Variants in UTY observed in about 807,000 individuals in gnomAD.
The protein encoded by UTY is histone demethylase UTY.
Under a neutral mutation model 32.5 loss-of-function variants are expected in UTY, and 12 were observed. That is an observed-to-expected ratio of 0.37 (90% CI 0.24 to 0.60). The LOEUF is 0.60. UTY is among the 20% of genes least tolerant of loss of function. The pLI, the probability that UTY is intolerant of heterozygous loss-of-function variation, is 0.69. For synonymous variants in UTY, 131 were observed against 103.4 expected (o/e 1.27, Z -1.62); for missense variants, 303 against 299.2 (o/e 1.01, Z -0.09).
intron 28 of UTY, among the ~76,000 whole-genome samples, chrY:13,259,563 T>C: frequency 2.9e-5 from 1 of 33,938 alleles, no homozygotes; most frequent in South Asian, 6.5e-4. Flanking sequence ...TAATTACCCT[T>C]TACTGAATAC....
chrY:13,405,284 C>T, intron 6 of UTY, among the ~76,000 whole-genome samples: 1 of 32,687 alleles, frequency 3.1e-5, no homozygotes, highest in Non-Finnish European at 7.6e-5. Flanking sequence ...CCGTCATTTA[C>T]GGCCACACAG....
At chrY:13,389,728 C>T (rs2067309946) in intron 8 of UTY, among the ~76,000 whole-genome samples, 2 of 33,553 alleles carry the variant, frequency 6.0e-5, no homozygotes, top group Non-Finnish European at 1.5e-4. Context: ...ATTACTGTCG[C>T]TTTGTAACGT....
intron 3 of UTY, among the ~76,000 whole-genome samples, chrY:13,464,671 C>T: frequency 3.1e-5 from 1 of 32,602 alleles, no homozygotes; most frequent in Non-Finnish European, 7.5e-5. Flanking sequence ...CCTAGGGAGG[C>T]TGAGGCACAA....
chrY:13,374,224 G>A (rs2065194276), intron 8 of UTY, among the ~76,000 whole-genome samples: 1 of 32,798 alleles, frequency 3.0e-5, no homozygotes, highest in Non-Finnish European at 7.5e-5. Flanking sequence ...GTAGAGATGG[G>A]GTTTCACCAT....
intron 19 of UTY, among the ~76,000 whole-genome samples, chrY:13,325,361 A>C: frequency 3.0e-5 from 1 of 33,244 alleles, no homozygotes; most frequent in Non-Finnish European, 7.5e-5. Context: ...TCTCGTACAG[A>C]TCTGTTTCGA....
intron 27 of UTY, among the ~76,000 whole-genome samples, chrY:13,269,860 G>A: frequency 5.9e-5 from 2 of 33,806 alleles, no homozygotes; most frequent in Non-Finnish European, 1.5e-4. Flanking sequence ...CTTTGGCTCC[G>A]CCTCTGTGGG....
chrY:13,432,930 A>G, intron 4 of UTY, among the ~76,000 whole-genome samples: 2 of 33,842 alleles, frequency 5.9e-5, no homozygotes, highest in Non-Finnish European at 1.5e-4. Context: ...AAAGGGCTCT[A>G]CCCAATCAAC....
chrY:13,437,036 T>A, intron 4 of UTY, among the ~76,000 whole-genome samples: 1 of 30,679 alleles, frequency 3.3e-5, no homozygotes, highest in Non-Finnish European at 7.8e-5. Context: ...AGCTAGAGAA[T>A]CCTTCTCCAT....
rs2055169066 is a variant in UTY, at chrY:13,260,261, T to C, written c.4137+17A>G. ...GAATCCAAAACAAAACAACTATCAG[T>C]AGAAACAGTTACTCACCTCACAAAT... is the stretch of plus-strand genomic sequence containing the variant. On this transcript the variant is annotated intron_variant, in intron 28 of 29. Coordinates refer to ENST00000545955, the MANE Select transcript of UTY (RefSeq NM_001258249.2). 2.5e-6 allele frequency: 1 copy of C among 392,225 alleles called. No homozygotes were observed. The highest frequency in any genetic ancestry group is 9.5e-5 in the East Asian group (1 of 10,536).
chrY:13,409,838 C>T lies in UTY; in HGVS notation c.555+1155G>A, dbSNP rs749357401. ...AGTAAAAACTCTGAAAAGCAACAGT[C>T]ACTGAGTTCCTCTGGTGGACAATAT... On this transcript the variant is annotated intron_variant, in intron 6 of 29. Transcript: ENST00000545955. Among the ~76,000 whole-genome samples, 19 of 33,557 alleles carry T rather than the reference C, an allele frequency of 5.7e-4. No homozygotes were observed. The South Asian group carries it at 0.013, about 22-fold the overall frequency. 90.0% of individuals were successfully genotyped at this position (33,557 alleles called of 37,273 possible). A position where few individuals can be genotyped will look rare whatever the true frequency, so the allele number is the denominator to read the frequency against.
chrY:13,469,344 G>T (rs2078248667), intron 3 of UTY, among the ~76,000 whole-genome samples: 1 of 30,881 alleles, frequency 3.2e-5, no homozygotes, highest in South Asian at 7.5e-4. Context: ...CACTAGTTGG[G>T]ATTATAGGCA....
chrY:13,336,078 C>T lies in UTY; in HGVS notation c.2319G>A (p.Val773=), dbSNP rs754937223. ...CTCCAGTATGCCTGCTTGTTTCAGG[C>T]ACCAAGGATCTATTTTTTGAAGGCT... ...ESKPSKNRSL[V]PETSRHTGDT... is the part of the protein sequence containing the mutation. The change falls in exon 18 of 30, where the codon GTG becomes GTA. Residue 773 remains valine, a synonymous_variant. Coordinates refer to ENST00000545955, the MANE Select transcript of UTY (RefSeq NM_001258249.2). The T allele has an allele frequency of 2.5e-6, 1 of 398,910 alleles. No homozygotes were observed. The highest frequency in any genetic ancestry group is 3.0e-5 in the South Asian group (1 of 33,771).
intron 19 of UTY, among the ~76,000 whole-genome samples, chrY:13,324,991 C>G: frequency 3.0e-5 from 1 of 33,444 alleles, no homozygotes; most frequent in Non-Finnish European, 7.5e-5. Context: ...AAACTGTTAC[C>G]TATCTCTTAT....
intron 4 of UTY, among the ~76,000 whole-genome samples, chrY:13,421,897 T>C (rs2072603083): frequency 3.0e-5 from 1 of 33,128 alleles, no homozygotes; most frequent in African/African-American, 1.2e-4. Flanking sequence ...AAGTTTCACA[T>C]GTGCCCCCAA....
At chrY:13,273,158 G>A in intron 27 of UTY, among the ~76,000 whole-genome samples, 1 of 33,721 alleles carries the variant, frequency 3.0e-5, no homozygotes, top group Admixed American at 2.7e-4. Context: ...TGTTTTGGAT[G>A]GATTTCCAAG....
chrY:13,420,579 C>A, intron 4 of UTY, among the ~76,000 whole-genome samples: 1 of 32,964 alleles, frequency 3.0e-5, no homozygotes, highest in Non-Finnish European at 7.5e-5. Context: ...TAAAACTGAA[C>A]CCCTTCCTAT....
intron 6 of UTY, among the ~76,000 whole-genome samples, chrY:13,402,766 T>C: frequency 3.0e-5 from 1 of 33,756 alleles, no homozygotes; most frequent in Admixed American, 2.7e-4. Context: ...GTTGCCTCGA[T>C]AGCAGTTTGA....
chrY:13,249,296 T>A lies in UTY; in HGVS notation c.*560A>T. The A allele has an allele frequency of 9.6e-5, 4 of 41,605 alleles. No homozygotes were observed. Among genetic ancestry groups the A allele is most frequent in the African/African-American group, 4.4e-4 (4 of 9,052 alleles). 10.4% of individuals were successfully genotyped at this position (41,605 alleles called of 400,897 possible). On this transcript the variant is annotated 3_prime_UTR_variant, in exon 30 of 30. Transcript: ENST00000545955. ...TCTGAAGTTTATTTCTTTGTCTATG[T>A]GCAATCCATTATCTTTGTATATGGG...
chrY:13,371,352 C>T, intron 8 of UTY, among the ~76,000 whole-genome samples: 1 of 32,343 alleles, frequency 3.1e-5, no homozygotes, highest in South Asian at 6.9e-4. Context: ...TAAGCATACA[C>T]AACCACACAC....
Sources: allele counts gnomAD v4.1 joint callset (sites outside exome capture counted in the v4.1 genomes callset), GRCh38; gene constraint gnomAD v4.1.1; transcripts MANE v1.5; gene names NCBI Gene and HGNC (gene_info 2026-07-23, HGNC 2026-07-21).